Variants in NSMCE2 observed in about 807,000 individuals in gnomAD.
NSMCE2 encodes NSE2 SUMO ligase component of SMC5/6 complex, also known as E3 SUMO-protein ligase NSE2.
A neutral mutation model predicts 23.8 loss-of-function variants in NSMCE2; 24 were observed. The ratio of observed to expected loss-of-function variants is 1.01; its 90% CI spans 0.73 to 1.42. NSMCE2 has a LOEUF of 1.42. NSMCE2 is among the 40% of genes most tolerant of loss of function. The pLI is 0.00. For synonymous variants in NSMCE2, 92 were observed against 94.1 expected, an observed-to-expected ratio of 0.98 and a Z score of 0.13; for missense variants, 284 against 296.5, an observed-to-expected ratio of 0.96 and a Z score of 0.31.
chr8:125,229,692 T>A (rs577771544), intron 5 of NSMCE2, among the ~76,000 whole-genome samples: 1 of 152,238 alleles, frequency 6.6e-6, no homozygotes, highest in Non-Finnish European at 1.5e-5. Flanking sequence ...CCAGTTCTAC[T>A]TTGTGTATAA....
intron 3 of NSMCE2, among the ~76,000 whole-genome samples, 155 bp downstream of exon 3, chr8:125,102,642 T>A (rs1818252889): frequency 6.6e-6 from 1 of 152,150 alleles, no homozygotes; most frequent in African/African-American, 2.4e-5. Context: ...AGCAGGGTAC[T>A]GAGGGTGAAA....
At chr8:125,105,355 A>G (rs964015555) in intron 3 of NSMCE2, among the ~76,000 whole-genome samples, 1 of 152,198 alleles carries the variant, frequency 6.6e-6, no homozygotes, top group African/African-American at 2.4e-5. Flanking sequence ...AAAAGTCATA[A>G]TAAAATCTTA....
At chr8:125,206,852 T>C (rs1824137482) in intron 5 of NSMCE2, among the ~76,000 whole-genome samples, 1 of 151,402 alleles carries the variant, frequency 6.6e-6, no homozygotes, top group Non-Finnish European at 1.5e-5. Context: ...TTCCAGGTGA[T>C]AGTTGGAGCT....
intron 5 of NSMCE2, among the ~76,000 whole-genome samples, chr8:125,222,040 A>G (rs549067866): frequency 1.3e-5 from 2 of 152,128 alleles, no homozygotes; most frequent in Non-Finnish European, 2.9e-5. Flanking sequence ...CTTTTTATTT[A>G]TATGTATACT....
chr8:125,294,103 T>C (rs1196040061), intron 5 of NSMCE2, among the ~76,000 whole-genome samples: 3 of 152,224 alleles, frequency 2.0e-5, no homozygotes, highest in African/African-American at 7.2e-5. Flanking sequence ...CATAATGTTT[T>C]CAAGGTTTAT....
At chr8:125,105,155 A>G (rs1289404281) in intron 3 of NSMCE2, among the ~76,000 whole-genome samples, 3 of 152,140 alleles carry the variant, frequency 2.0e-5, no homozygotes, top group Non-Finnish European at 4.4e-5. Context: ...ATTGTTTCAT[A>G]TATTTTGTTT....
intron 5 of NSMCE2, among the ~76,000 whole-genome samples, chr8:125,200,063 G>A (rs1823796108): frequency 6.6e-6 from 1 of 152,152 alleles, no homozygotes; most frequent in African/African-American, 2.4e-5. Flanking sequence ...GAGCCTATGT[G>A]TGTCTCTGCA....
At chr8:125,228,306 A>G (rs1326426904) in intron 5 of NSMCE2, among the ~76,000 whole-genome samples, 7 of 152,214 alleles carry the variant, frequency 4.6e-5, no homozygotes, top group African/African-American at 1.7e-4. Context: ...TATTTATTCA[A>G]TTCCTTCCAG....
At chr8:125,104,053 C>T (rs1022249395) in intron 3 of NSMCE2, among the ~76,000 whole-genome samples, 42 of 148,522 alleles carry the variant, frequency 2.8e-4, no homozygotes, top group African/African-American at 1.0e-3. Context: ...TGCAATGGTG[C>T]GATCTCGGCT....
chr8:125,341,074 C>G (rs1830227493), intron 5 of NSMCE2, among the ~76,000 whole-genome samples: 1 of 152,098 alleles, frequency 6.6e-6, no homozygotes, highest in African/African-American at 2.4e-5. Flanking sequence ...CCAGTCACCT[C>G]TCCATATTTT....
chr8:125,268,072 A>G (rs1004315393), intron 5 of NSMCE2, among the ~76,000 whole-genome samples: 2 of 151,550 alleles, frequency 1.3e-5, no homozygotes, highest in African/African-American at 2.4e-5. Context: ...TCTATTTAAA[A>G]AAAAAAAAAA....
intron 5 of NSMCE2, among the ~76,000 whole-genome samples, chr8:125,352,839 C>T (rs1026068252): frequency 2.6e-5 from 4 of 152,160 alleles, no homozygotes; most frequent in African/African-American, 9.7e-5. Context: ...AGAATCCCAA[C>T]GCTAATGTCA....
chr8:125,140,478 C>T (rs930967571), intron 3 of NSMCE2, among the ~76,000 whole-genome samples: 1 of 152,164 alleles, frequency 6.6e-6, no homozygotes, highest in African/African-American at 2.4e-5. Context: ...GCCTGGCCAA[C>T]ATGGTGAAAC....
At chr8:125,303,664 C>G (rs551042038) in intron 5 of NSMCE2, among the ~76,000 whole-genome samples, 1 of 152,136 alleles carries the variant, frequency 6.6e-6, no homozygotes, top group South Asian at 2.1e-4. Flanking sequence ...AATTGCTGTA[C>G]AGAAATTCAA....
chr8:125,278,085 C>T (rs77314492), intron 5 of NSMCE2, among the ~76,000 whole-genome samples: 3 of 151,870 alleles, frequency 2.0e-5, no homozygotes, highest in South Asian at 2.1e-4. Context: ...GCACATAGCC[C>T]GTGAAATATT....
chr8:125,116,784 T>A (rs760013817), intron 3 of NSMCE2, among the ~76,000 whole-genome samples: 2 of 152,226 alleles, frequency 1.3e-5, no homozygotes, highest in African/African-American at 2.4e-5. Context: ...GTTTGCAGTT[T>A]GAGCCACAGA....
At position 125,203,900 on chromosome 8, in the gene NSMCE2, T is replaced by A. The variant is rs1394976553; in HGVS notation, c.418+21644T>A. Among the ~76,000 whole-genome samples the A allele has an allele frequency of 3.3e-5, 5 of 152,244 alleles. No individual in the cohort carries two copies. The East Asian group carries it at 7.7e-4, about 23-fold the overall frequency. ...TTAGCTTGAAAGTAGGAGAAAAAAA[T>A]TTAAAAAAATAAAATTTCAGTGTTA... On this transcript the variant is annotated intron_variant, in intron 5 of 7. Coordinates refer to ENST00000287437, the MANE Select transcript of NSMCE2 (RefSeq NM_173685.4).
chr8:125,094,774 A>G (rs547355793), intron 1 of NSMCE2, among the ~76,000 whole-genome samples: 3 of 152,324 alleles, frequency 2.0e-5, no homozygotes, highest in Admixed American at 2.0e-4. Context: ...TGGCTTGTAG[A>G]TGGCTGCCCT....
At chr8:125,292,852 A>G (rs1300000391) in intron 5 of NSMCE2, among the ~76,000 whole-genome samples, 2 of 152,230 alleles carry the variant, frequency 1.3e-5, no homozygotes, top group Admixed American at 1.3e-4. Flanking sequence ...TGAGTTGCCC[A>G]TCAAAGCTTA....
Sources: allele counts gnomAD v4.1 joint callset (sites outside exome capture counted in the v4.1 genomes callset), GRCh38; gene constraint gnomAD v4.1.1; transcripts MANE v1.5; gene names NCBI Gene and HGNC (gene_info 2026-07-23, HGNC 2026-07-21).